The following LMX1A variants were observed in gnomAD, a reference collection of about 807,000 sequenced individuals.
LMX1A encodes LIM homeobox transcription factor 1-alpha.
LMX1A carries 15 observed loss-of-function variants against 49.1 expected under a neutral mutation model. The ratio of observed to expected loss-of-function variants is 0.31; its 90% CI spans 0.20 to 0.47. The LOEUF (loss-of-function observed/expected upper bound fraction) is 0.47, where lower values mean the gene tolerates loss of function less well. LMX1A is among the 20% of genes least tolerant of loss of function. The pLI is 1.00. For missense variants in LMX1A, 372 were observed against 475.8 expected (o/e 0.78, Z 2.03); for synonymous variants, 167 against 185.7 (o/e 0.90, Z 0.82).
At chr1:165,352,512 A>C (rs532698600) in intron 3 of LMX1A, among the ~76,000 whole-genome samples, 5 of 152,350 alleles carry the variant, frequency 3.3e-5, no homozygotes, top group African/African-American at 1.2e-4. Flanking sequence ...TCCGAATGGC[A>C]GCAGAGCCAT....
intron 3 of LMX1A, among the ~76,000 whole-genome samples, chr1:165,287,502 T>C (rs1426676145): frequency 6.6e-6 from 1 of 152,130 alleles, no homozygotes; most frequent in Admixed American, 6.5e-5. Flanking sequence ...AATTCTTTTG[T>C]TCCTTTGTGT....
At chr1:165,283,912 C>T (rs934266781) in intron 3 of LMX1A, among the ~76,000 whole-genome samples, 3 of 152,118 alleles carry the variant, frequency 2.0e-5, no homozygotes, top group Non-Finnish European at 2.9e-5. Context: ...CTCTAATGCC[C>T]CTTTGTTGCT....
intron 4 of LMX1A, among the ~76,000 whole-genome samples, chr1:165,234,337 G>C (rs1381025909): frequency 1.3e-5 from 2 of 152,242 alleles, no homozygotes; most frequent in East Asian, 3.9e-4. Context: ...CATACCCATT[G>C]TGAAACCTTT....
intron 3 of LMX1A, among the ~76,000 whole-genome samples, chr1:165,265,397 C>T (rs891208635): frequency 2.0e-5 from 3 of 152,114 alleles, no homozygotes; most frequent in Admixed American, 1.3e-4. Flanking sequence ...CAGTGACTGG[C>T]AGATTACCTA....
chr1:165,245,931 C>T (rs1241324283), intron 4 of LMX1A, among the ~76,000 whole-genome samples: 1 of 151,756 alleles, frequency 6.6e-6, no homozygotes, highest in East Asian at 1.9e-4. Context: ...ACCAAATAAA[C>T]CTGCCTTCTG....
At chr1:165,344,393 G>A (rs113709951) in intron 3 of LMX1A, among the ~76,000 whole-genome samples, 2,385 of 152,228 alleles carry the variant, frequency 0.016, 46 homozygotes, top group Non-Finnish European at 0.02. Flanking sequence ...AGAGTGAGGC[G>A]GTAGCCAATA....
intron 3 of LMX1A, among the ~76,000 whole-genome samples, chr1:165,293,578 AGCAT>A (rs1395474332): frequency 1.3e-5 from 2 of 152,374 alleles, no homozygotes; most frequent in East Asian, 3.9e-4. Context: ...ATAGTTGTTA[AGCAT>A]GTTGTGTGTT....
At chr1:165,262,806 T>A (rs1428013667) in intron 3 of LMX1A, among the ~76,000 whole-genome samples, 1 of 152,138 alleles carries the variant, frequency 6.6e-6, no homozygotes, top group East Asian at 1.9e-4. Flanking sequence ...TTCATTTATC[T>A]GATGGCCTTT....
chr1:165,205,925 T>G lies in LMX1A; in HGVS notation c.927A>C (p.Ser309=), dbSNP rs1361071757. 1.2e-6 allele frequency: 2 copies of G among 1,614,084 alleles called. No individual in the cohort carries two copies. Among genetic ancestry groups the G allele is most frequent in the Non-Finnish European group, 1.7e-6 (2 of 1,180,006 alleles). ...GGGTGAGACCCTGTCGGAAGGGATC[T>G]GAGCTGTAGACACTCTGCTCGATGG... ...LLAIEQSVYS[S]DPFRQGLTPP... is the part of the protein sequence containing the mutation. The change falls in exon 8 of 9, where the codon TCA becomes TCC. Residue 309 remains serine (S), a synonymous_variant. Transcript: ENST00000342310.
At chr1:165,350,711 G>C (rs1323127168) in intron 3 of LMX1A, among the ~76,000 whole-genome samples, 1 of 152,124 alleles carries the variant, frequency 6.6e-6, no homozygotes, top group Non-Finnish European at 1.5e-5. Flanking sequence ...TTTTAAAAAG[G>C]AATAAATTAA....
Position 165,277,520 on chromosome 1 carries a change from G to A in LMX1A, c.264-27880C>T, listed in dbSNP as rs186048060. On this transcript the variant is annotated intron_variant, in intron 3 of 8. Coordinates refer to ENST00000342310, the MANE Select transcript of LMX1A (RefSeq NM_177398.4). ...TCCCTCTCTCCTTGGGCAAATGTAT[G>A]TTAGTGTCAGAGACAAATTTATCCT... 1.0e-3 allele frequency among the ~76,000 whole-genome samples: 155 copies of A among 152,318 alleles called. 1 individual carries two copies. Among genetic ancestry groups the A allele is most frequent in the African/African-American group, 3.6e-3 (149 of 41,558 alleles).
intron 4 of LMX1A, among the ~76,000 whole-genome samples, chr1:165,243,913 G>A (rs1436025557): frequency 6.6e-6 from 1 of 152,188 alleles, no homozygotes; most frequent in Non-Finnish European, 1.5e-5. Flanking sequence ...GTAGCTGGGA[G>A]CCCCTAGGTT....
intron 3 of LMX1A, among the ~76,000 whole-genome samples, chr1:165,269,556 A>T (rs1454290716): frequency 6.6e-6 from 1 of 152,210 alleles, no homozygotes; most frequent in Non-Finnish European, 1.5e-5. Flanking sequence ...ATATACACAA[A>T]GGAATATAAA....
intron 3 of LMX1A, among the ~76,000 whole-genome samples, chr1:165,327,016 T>C (rs1504705): frequency 0.91 from 139,086 of 152,158 alleles, 63,625 homozygotes; most frequent in Middle Eastern, 0.95. Flanking sequence ...CCCTACTACA[T>C]CCACCATGGC....
At chr1:165,236,867 T>TA (rs1033368792) in intron 4 of LMX1A, among the ~76,000 whole-genome samples, 1 of 147,268 alleles carries the variant, frequency 6.8e-6, no homozygotes, top group Non-Finnish European at 1.5e-5. Context: ...TTTTTTTTTT[T>TA]AGTACATAAG....
At chr1:165,264,481 A>G (rs1653553026) in intron 3 of LMX1A, among the ~76,000 whole-genome samples, 1 of 152,212 alleles carries the variant, frequency 6.6e-6, no homozygotes, top group African/African-American at 2.4e-5. Context: ...TGCTACAGCC[A>G]GAAGTTTGGG....
chr1:165,233,720 A>G (rs529847077), intron 4 of LMX1A, among the ~76,000 whole-genome samples: 2 of 152,312 alleles, frequency 1.3e-5, no homozygotes, highest in South Asian at 4.1e-4. Flanking sequence ...CCTCAACTTC[A>G]ACCACTCTTC....
chr1:165,323,885 C>T (rs2101746322), intron 3 of LMX1A, among the ~76,000 whole-genome samples: 1 of 152,316 alleles, frequency 6.6e-6, no homozygotes, highest in East Asian at 1.9e-4. Context: ...TTTAGTTCCT[C>T]CCATAGGCCC....
At chr1:165,242,431 T>C (rs995513278) in intron 4 of LMX1A, among the ~76,000 whole-genome samples, 1 of 145,820 alleles carries the variant, frequency 6.9e-6, no homozygotes, top group African/African-American at 2.6e-5. Flanking sequence ...AAACTGGTCT[T>C]CAGGAAGAAA....
Sources: gnomAD v4.1 joint callset for allele counts (sites outside exome capture counted in the v4.1 genomes callset) on GRCh38, gnomAD v4.1.1 for gene constraint, MANE v1.5 for transcripts, NCBI Gene and HGNC (gene_info 2026-07-23, HGNC 2026-07-21) for gene names.